YTHDC2: variants seen among roughly 807,000 people sequenced by gnomAD.
YTHDC2 encodes the protein YTH N6-methyladenosine RNA binding protein C2.
YTHDC2 carries 45 observed loss-of-function variants against 174.9 expected under a neutral mutation model. The observed-to-expected ratio is 0.26, with a 90% CI of 0.20 to 0.33. The LOEUF is 0.33. YTHDC2 is among the 10% of genes least tolerant of loss of function. YTHDC2 has a pLI of 1.00. For missense variants in YTHDC2, 1,650 were observed against 1,723.7 expected, an observed-to-expected ratio of 0.96 and a Z score of 0.76; for synonymous variants, 657 against 574.5, an observed-to-expected ratio of 1.14 and a Z score of -2.05.
At position 113,532,940 on chromosome 5, in the gene YTHDC2, C is replaced by G; in HGVS notation, c.737C>G (p.Thr246Ser). ...KNGIPCRIFC[T>S]QPRRLAAIAV... ...GGTATCCCCTGCCGTATATTTTGTA[C>G]TCAACCAAGACGATTGGCAGCTATC... The change falls in exon 5 of 30, where the codon ACT becomes AGT. Residue 246 changes from threonine (T) to serine (S), a missense_variant. Physicochemically the swap from Thr to Ser is moderately conservative, Grantham distance 58 (BLOSUM62 1). Around this residue, in one of 5 missense-constraint regions of YTHDC2, gnomAD observed 304 missense variants for 341.4 expected, o/e 0.89. Coordinates refer to ENST00000161863, the MANE Select transcript of YTHDC2 (RefSeq NM_022828.5). 1 of 1,614,100 alleles carries G rather than the reference C, an allele frequency of 6.2e-7. No individual in the cohort carries two copies. Among genetic ancestry groups the G allele is most frequent in the Non-Finnish European group, 8.5e-7 (1 of 1,180,010 alleles).
chr5:113,557,510 A>G (rs576466871), intron 17 of YTHDC2, among the ~76,000 whole-genome samples: 2 of 152,220 alleles, frequency 1.3e-5, no homozygotes, highest in African/African-American at 2.4e-5. Context: ...TATTGTGGGT[A>G]AGGCTGGGTG....
intron 10 of YTHDC2, among the ~76,000 whole-genome samples, chr5:113,545,283 T>G (rs967536402): frequency 1.3e-5 from 2 of 152,072 alleles, no homozygotes; most frequent in African/African-American, 4.8e-5. Flanking sequence ...TAAGTGAGGG[T>G]TTTTTGACTT....
intron 23 of YTHDC2, among the ~76,000 whole-genome samples, chr5:113,578,290 G>A (rs1266922552): frequency 6.6e-6 from 1 of 152,028 alleles, no homozygotes; most frequent in Non-Finnish European, 1.5e-5. Flanking sequence ...TGAACTCCAA[G>A]GCTCAAGTGA....
chr5:113,593,399 A>G lies in YTHDC2; in HGVS notation c.*7+9A>G, dbSNP rs202145320. 1.1e-5 allele frequency: 17 copies of G among 1,597,572 alleles called. No individual in the cohort carries two copies. In the African/African-American group the frequency reaches 1.3e-4, roughly 13 times the overall value. On this transcript the variant is annotated intron_variant, in intron 29 of 29. Coordinates refer to ENST00000161863, the MANE Select transcript of YTHDC2 (RefSeq NM_022828.5). ...AACTGATTGACACTCAGGTTATACC[A>G]TCTTGACTTTGAGTATTGGCAGTAT...
intron 2 of YTHDC2, among the ~76,000 whole-genome samples, chr5:113,523,959 A>G (rs1774042005): frequency 1.3e-5 from 2 of 152,152 alleles, no homozygotes; most frequent in South Asian, 4.1e-4. Context: ...TTAAAATTTA[A>G]GAAATAGTAT....
chr5:113,572,191 A>G, intron 23 of YTHDC2, among the ~76,000 whole-genome samples: 1 of 152,186 alleles, frequency 6.6e-6, no homozygotes, highest in East Asian at 1.9e-4. Context: ...TTACTTTCAA[A>G]TAACTTCTTG....
At chr5:113,554,146 C>A in intron 16 of YTHDC2, 124 bp downstream of exon 16, 1 of 831,512 alleles carries the variant, frequency 1.2e-6, no homozygotes, top group Non-Finnish European at 1.7e-6. Flanking sequence ...ACAGCTTGGA[C>A]CAGCGCATGC....
At chr5:113,548,857 A>G in intron 11 of YTHDC2, 98 bp from the exon 12 acceptor site, 1 of 1,240,976 alleles carries the variant, frequency 8.1e-7, no homozygotes, top group African/African-American at 1.6e-5. Flanking sequence ...TTATTTAAAA[A>G]TTTTTTTGAA....
chr5:113,594,316 C>T lies in YTHDC2; in HGVS notation c.*842C>T, dbSNP rs1192430471. The T allele has an allele frequency of 6.6e-6, 1 of 152,042 alleles. No individual in the cohort carries two copies. The highest frequency in any genetic ancestry group is 1.5e-5 in the Non-Finnish European group (1 of 68,010). 9.4% of individuals were successfully genotyped at this position (152,042 alleles called of 1,614,324 possible). ...AATTATGACCTTTTTGTTTTGGCTA[C>T]AACTTGATTGAAACAAGTTCAAAAT... is the stretch of plus-strand genomic sequence containing the variant. On this transcript the variant is annotated 3_prime_UTR_variant, in exon 30 of 30. Coordinates refer to ENST00000161863, the MANE Select transcript of YTHDC2 (RefSeq NM_022828.5).
chr5:113,520,000 GT>G (rs1773753838), intron 2 of YTHDC2, among the ~76,000 whole-genome samples: 1 of 152,086 alleles, frequency 6.6e-6, no homozygotes, highest in Non-Finnish European at 1.5e-5. Flanking sequence ...CATCAGCTAG[GT>G]TTTAAGCCCT....
intron 18 of YTHDC2, among the ~76,000 whole-genome samples, chr5:113,563,051 G>T (rs991807144): frequency 7.6e-6 from 1 of 132,010 alleles, no homozygotes; most frequent in African/African-American, 3.3e-5. Flanking sequence ...AATGTAGTAA[G>T]TATAAAGGGG....
At chr5:113,581,924 G>T (rs942743710) in intron 25 of YTHDC2, 4 of 353,140 alleles carry the variant, frequency 1.1e-5, no homozygotes, top group Non-Finnish European at 1.9e-5. Flanking sequence ...ATTGATATCT[G>T]TGAGTTATTT....
At chr5:113,537,580 C>G (rs958531298) in intron 7 of YTHDC2, among the ~76,000 whole-genome samples, 1 of 150,968 alleles carries the variant, frequency 6.6e-6, no homozygotes. Context: ...TCCTTCCTTC[C>G]TTTCCCACTA....
chr5:113,541,189 A>G, intron 9 of YTHDC2, 73 bp downstream of exon 9: 1 of 1,468,162 alleles, frequency 6.8e-7, no homozygotes. Flanking sequence ...TTATGAGCTT[A>G]TAATTTTTTT....
At chr5:113,547,029 T>C (rs186302445) in intron 10 of YTHDC2, among the ~76,000 whole-genome samples, 5 of 152,322 alleles carry the variant, frequency 3.3e-5, no homozygotes, top group African/African-American at 7.2e-5. Flanking sequence ...TTTCCAGACT[T>C]GCACACCACC....
chr5:113,563,673 T>C (rs1372527880), intron 19 of YTHDC2, among the ~76,000 whole-genome samples, 181 bp downstream of exon 19: 2 of 152,234 alleles, frequency 1.3e-5, no homozygotes. Context: ...CTTTAAATAA[T>C]ATTGTCATGT....
At chr5:113,522,134 G>GTTTTT (rs371407386) in intron 2 of YTHDC2, among the ~76,000 whole-genome samples, 3 of 106,340 alleles carry the variant, frequency 2.8e-5, no homozygotes, top group Non-Finnish European at 4.4e-5. Context: ...TGTTTTTTTT[G>GTTTTT]TTTTTTGTTT....
rs778256345 is a variant in YTHDC2 at position 113,525,198 on chromosome 5, T to C, written c.475+21T>C. The C allele has an allele frequency of 7.1e-6, 11 of 1,549,234 alleles. No individual in the cohort carries two copies. The South Asian group carries it at 1.2e-4, about 17-fold the overall frequency. ...AGCTGGTATGTATTTTCTGGGGAGCTTCCTCATTTACCCTATTATTTGATG... is the reference window on the plus strand; with the variant it reads ...AGCTGGTATGTATTTTCTGGGGAGCCTCCTCATTTACCCTATTATTTGATG... On this transcript the variant is annotated intron_variant, in intron 3 of 29. Coordinates refer to ENST00000161863, the MANE Select transcript of YTHDC2 (RefSeq NM_022828.5).
intron 28 of YTHDC2, 123 bp from the exon 29 acceptor site, chr5:113,593,180 A>G (rs982438552): frequency 1.5e-6 from 1 of 661,498 alleles, no homozygotes. Flanking sequence ...TGATTTTAGC[A>G]TACGCTGGTA....
Sources: gnomAD v4.1 joint callset for allele counts (sites outside exome capture counted in the v4.1 genomes callset) on GRCh38, gnomAD v4.1.1 for gene constraint, gnomAD v4.1.1 regional missense constraint, MANE v1.5 for transcripts, NCBI Gene and HGNC (gene_info 2026-07-23, HGNC 2026-07-21) for gene names.